The following CPNE4 variants were observed in gnomAD, a reference collection of about 807,000 sequenced individuals.
CPNE4 encodes copine 4, also known as copine-4.
A neutral mutation model predicts 67.9 loss-of-function variants in CPNE4; 25 were observed. The ratio of observed to expected loss-of-function variants is 0.37; its 90% CI spans 0.27 to 0.51. The LOEUF (loss-of-function observed/expected upper bound fraction) is 0.51. CPNE4 is among the 20% of genes least tolerant of loss of function. The pLI is 0.93. For missense variants in CPNE4, 464 were observed against 690.8 expected, an observed-to-expected ratio of 0.67 and a Z score of 3.68; for synonymous variants, 242 against 244.9, an observed-to-expected ratio of 0.99 and a Z score of 0.11.
At chr3:131,703,219 A>G (rs979395739) in intron 3 of CPNE4, among the ~76,000 whole-genome samples, 1 of 152,224 alleles carries the variant, frequency 6.6e-6, no homozygotes, top group South Asian at 2.1e-4. Context: ...CAGAGTCACA[A>G]GGACTCTCAC....
At chr3:131,638,435 T>C (rs988107314) in intron 7 of CPNE4, among the ~76,000 whole-genome samples, 2 of 152,088 alleles carry the variant, frequency 1.3e-5, no homozygotes. Context: ...GAGGTGATAG[T>C]ATAATGATAA....
intron 2 of CPNE4, among the ~76,000 whole-genome samples, chr3:131,754,857 C>G (rs2082715938): frequency 6.6e-6 from 1 of 151,934 alleles, no homozygotes. Flanking sequence ...TGATGAATAC[C>G]CTGTTAAATA....
intron 1 of CPNE4, among the ~76,000 whole-genome samples, chr3:132,033,961 A>G (rs1205688127): frequency 6.6e-6 from 1 of 152,036 alleles, no homozygotes; most frequent in Non-Finnish European, 1.5e-5. Flanking sequence ...TTTATTCCAT[A>G]GAGGAAGAAG....
At chr3:131,826,121 T>G (rs2085148036) in intron 2 of CPNE4, among the ~76,000 whole-genome samples, 1 of 152,222 alleles carries the variant, frequency 6.6e-6, no homozygotes, top group East Asian at 1.9e-4. Context: ...AGAGCACCCC[T>G]CACCCTGTAA....
intron 2 of CPNE4, among the ~76,000 whole-genome samples, chr3:131,808,528 A>C (rs1229723343): frequency 6.6e-6 from 1 of 152,104 alleles, no homozygotes; most frequent in Non-Finnish European, 1.5e-5. Flanking sequence ...GAGAAAAAAA[A>C]AGATGGGAGA....
At chr3:131,803,897 A>G (rs2084218990) in intron 2 of CPNE4, among the ~76,000 whole-genome samples, 1 of 152,216 alleles carries the variant, frequency 6.6e-6, no homozygotes, top group African/African-American at 2.4e-5. Context: ...ACTAAATGAG[A>G]AATTAAAGTT....
chr3:131,923,609 G>A (rs558906737), intron 1 of CPNE4, among the ~76,000 whole-genome samples: 191 of 147,284 alleles, frequency 1.3e-3, no homozygotes, highest in African/African-American at 4.0e-3. Context: ...GGAGGCCAAG[G>A]CAGGAGAATC....
At chr3:131,842,062 C>G (rs930853296) in intron 2 of CPNE4, among the ~76,000 whole-genome samples, 1 of 152,086 alleles carries the variant, frequency 6.6e-6, no homozygotes, top group Admixed American at 6.6e-5. Context: ...AGTGCCTGGG[C>G]CAACCTGTGC....
intron 7 of CPNE4, among the ~76,000 whole-genome samples, chr3:131,628,484 C>T (rs2079134330): frequency 6.6e-6 from 1 of 152,286 alleles, no homozygotes; most frequent in Non-Finnish European, 1.5e-5. Context: ...ACCAGCTCCT[C>T]CTTGTACCTC....
intron 1 of CPNE4, among the ~76,000 whole-genome samples, chr3:132,018,412 T>A (rs1047357219): frequency 6.6e-6 from 1 of 152,228 alleles, no homozygotes; most frequent in Non-Finnish European, 1.5e-5. Flanking sequence ...AAGCAAGTTG[T>A]CAGGGGTTTG....
intron 2 of CPNE4, among the ~76,000 whole-genome samples, chr3:131,853,522 G>C (rs556562549): frequency 6.6e-6 from 1 of 151,720 alleles, no homozygotes; most frequent in South Asian, 2.1e-4. Context: ...ATTATTTCTT[G>C]GGTAAGATAC....
intron 2 of CPNE4, among the ~76,000 whole-genome samples, chr3:131,831,654 C>A (rs1456922803): frequency 6.6e-6 from 1 of 152,070 alleles, no homozygotes; most frequent in East Asian, 1.9e-4. Flanking sequence ...CTAAAATTTT[C>A]TTTTATACAT....
Position 131,882,449 on chromosome 3 carries a change from T to C in CPNE4, c.180+22815A>G, listed in dbSNP as rs183570298. 7.0e-4 allele frequency among the ~76,000 whole-genome samples: 107 copies of C among 152,268 alleles called. 1 individual carries two copies. Among genetic ancestry groups the C allele is most frequent in the African/African-American group, 2.5e-3 (105 of 41,568 alleles). ...AATATTGTTTAAAGAACTGCCTTAT[T>C]TGCATTTCTTGTAGTAACACATTGG... On this transcript the variant is annotated intron_variant, in intron 2 of 15. Transcript: ENST00000429747.
intron 2 of CPNE4, among the ~76,000 whole-genome samples, chr3:131,874,794 G>C (rs964583716): frequency 3.9e-5 from 6 of 152,132 alleles, no homozygotes; most frequent in African/African-American, 1.4e-4. Context: ...GGAGTTCCTT[G>C]TGACAATGGG....
chr3:131,978,498 A>ATATATTTATATATATTTATATATATT (rs1293847086), intron 1 of CPNE4, among the ~76,000 whole-genome samples: 1 of 72,270 alleles, frequency 1.4e-5, no homozygotes, highest in African/African-American at 6.2e-5. Context: ...ATATATATTT[A>ATATATTTATATATATTTATATATATT]TATATTTATA....
Position 131,974,117 on chromosome 3 carries a change from C to T in CPNE4, c.-2+60450G>A, listed in dbSNP as rs564431901. Among the ~76,000 whole-genome samples, 173 of 152,302 alleles carry T rather than the reference C, an allele frequency of 1.1e-3. 2 individuals are homozygous for T. The highest frequency in any genetic ancestry group is 4.4e-3 in the Admixed American group (68 of 15,300). ...AGGTATTTGGACAGAATCTGTCCTACCAGAGACTTTTCATTCTAAAAAGGG... is the reference window on the plus strand; with the variant it reads ...AGGTATTTGGACAGAATCTGTCCTATCAGAGACTTTTCATTCTAAAAAGGG... On this transcript the variant is annotated intron_variant, in intron 1 of 15. Transcript: ENST00000429747.
chr3:131,789,132 C>T (rs1560314018), intron 2 of CPNE4, among the ~76,000 whole-genome samples: 1 of 151,954 alleles, frequency 6.6e-6, no homozygotes, highest in Non-Finnish European at 1.5e-5. Context: ...AGCCACCCAT[C>T]TTAGGCTACT....
At chr3:131,848,125 C>T (rs981213389) in intron 2 of CPNE4, among the ~76,000 whole-genome samples, 24 of 152,246 alleles carry the variant, frequency 1.6e-4, no homozygotes, top group African/African-American at 4.3e-4. Flanking sequence ...TTGAGTCTTA[C>T]GTAAGGGGAG....
chr3:131,789,005 GACACAC>G (rs150450935), intron 2 of CPNE4, among the ~76,000 whole-genome samples: 7 of 133,654 alleles, frequency 5.2e-5, no homozygotes, highest in Admixed American at 7.6e-5. Context: ...AACTCAACCA[GACACAC>G]ACACACACAC....
Sources: allele counts gnomAD v4.1 joint callset (sites outside exome capture counted in the v4.1 genomes callset), GRCh38; gene constraint gnomAD v4.1.1; transcripts MANE v1.5; gene names NCBI Gene and HGNC (gene_info 2026-07-23, HGNC 2026-07-21).